Variants in TNFRSF8 observed in about 807,000 individuals in gnomAD.
TNFRSF8 encodes the protein tumor necrosis factor receptor superfamily member 8.
In TNFRSF8, 26 loss-of-function variants were observed where a neutral mutation model predicts 70.8. The ratio of observed to expected loss-of-function variants is 0.37; its 90% CI spans 0.27 to 0.51. The LOEUF (loss-of-function observed/expected upper bound fraction) is 0.51, where lower values mean the gene tolerates loss of function less well. TNFRSF8 is among the 20% of genes least tolerant of loss of function. The probability of loss-of-function intolerance (pLI) is 0.94; values close to 1 mark genes in which losing one functional copy is unlikely to be tolerated. For missense variants in TNFRSF8, 720 were observed against 807.9 expected, an observed-to-expected ratio of 0.89 and a Z score of 1.32; for synonymous variants, 356 against 339.2, an observed-to-expected ratio of 1.05 and a Z score of -0.54.
Position 12,063,526 on chromosome 1 carries a change from G to A in TNFRSF8, c.-73G>A. 7.9e-7 allele frequency: 1 copy of A among 1,267,634 alleles called. No homozygotes were observed. The highest frequency in any genetic ancestry group is 1.0e-6 in the Non-Finnish European group (1 of 996,570). The allele number at this position is 1,267,634 out of a possible 1,614,324, so 78.5% of individuals were successfully genotyped here. A position where few individuals can be genotyped will look rare whatever the true frequency, so the allele number is the denominator to read the frequency against. ...CGGCTGAGAACCGCCGGGACCGCAC[G>A]TGGGCGCCGCGCGCTTCCCCCGCTT... On this transcript the variant is annotated 5_prime_UTR_variant, in exon 1 of 15. In the 5' UTR this introduces an upstream ATG that the reference lacks. Transcript: ENST00000263932. The surrounding 1 kb of genome is among the most constrained non-coding windows in gnomAD (Gnocchi z 7.2).
At chr1:12,122,194 T>C (rs1279719219) in intron 8 of TNFRSF8, among the ~76,000 whole-genome samples, 1 of 152,116 alleles carries the variant, frequency 6.6e-6, no homozygotes, top group African/African-American at 2.4e-5. Flanking sequence ...TTTCTTTTTT[T>C]ATTTTTACTT....
intron 4 of TNFRSF8, among the ~76,000 whole-genome samples, chr1:12,105,955 A>G (rs912872027): frequency 2.6e-5 from 4 of 151,810 alleles, no homozygotes; most frequent in East Asian, 3.9e-4. Context: ...AAAAAAAAAA[A>G]AAAGAAAACT....
At chr1:12,070,847 G>C (rs776835462) in intron 1 of TNFRSF8, among the ~76,000 whole-genome samples, 5 of 152,194 alleles carry the variant, frequency 3.3e-5, no homozygotes, top group Non-Finnish European at 7.3e-5. Context: ...GGGGTTGGGT[G>C]TTGAAATGTG....
Position 12,123,364 on chromosome 1 carries a change from G to C in TNFRSF8, c.1027G>C (p.Glu343Gln). ...CTGCAACCCCACCCCAGAGAATGGC[G>C]AGGCGCCTGCCAGGTGACTCCCCCA... ...PDCNPTPENG[E>Q]APASTSPTQS... Residue 343 changes from glutamate (E) to glutamine (Q), a missense_variant, in exon 9 of 15, where the codon GAG becomes CAG. Coordinates refer to ENST00000263932, the MANE Select transcript of TNFRSF8 (RefSeq NM_001243.5). 6.2e-7 allele frequency: 1 copy of C among 1,610,310 alleles called. No homozygotes were observed. The highest frequency in any genetic ancestry group is 8.5e-7 in the Non-Finnish European group (1 of 1,178,554).
At position 12,123,695 on chromosome 1, in the gene TNFRSF8, C is replaced by A. The variant is rs1327235600; in HGVS notation, c.1041-20C>A. 5 of 1,544,344 alleles carry A rather than the reference C, an allele frequency of 3.2e-6. No individual in the cohort carries two copies. Among genetic ancestry groups the A allele is most frequent in the Middle Eastern group, 3.3e-4 (2 of 5,978 alleles). ...CCTCTTCCCATCTTCATCACTCCTGCCTTGGGCTTCTCCCCGCAGCACCAG... is the reference window on the plus strand; with the variant it reads ...CCTCTTCCCATCTTCATCACTCCTGACTTGGGCTTCTCCCCGCAGCACCAG... On this transcript the variant is annotated intron_variant, in intron 9 of 14. Transcript: ENST00000263932.
rs369147105 is a variant in TNFRSF8 at position 12,111,893 on chromosome 1, C to T, written c.677-5C>T. ...GGCCTGCAGCTTCTCTGCTTCTTTC[C>T]CCAGGTCTGTCCCCAACACAGCCAT... On this transcript the variant is annotated splice_region_variant and splice_polypyrimidine_tract_variant and intron_variant, in intron 6 of 14. Transcript: ENST00000263932. 12 of 1,613,636 alleles carry T rather than the reference C, an allele frequency of 7.4e-6. No individual in the cohort carries two copies. Among genetic ancestry groups the T allele is most frequent in the Non-Finnish European group, 1.0e-5 (12 of 1,179,650 alleles).
At chr1:12,133,336 T>A (rs1351947987) in intron 12 of TNFRSF8, among the ~76,000 whole-genome samples, 3 of 151,886 alleles carry the variant, frequency 2.0e-5, no homozygotes, top group East Asian at 1.9e-4. Context: ...CTTTTTTTTT[T>A]TTATTCTGTT....
chr1:12,133,357 A>G (rs1291896436), intron 12 of TNFRSF8, among the ~76,000 whole-genome samples: 6 of 150,138 alleles, frequency 4.0e-5, no homozygotes, highest in Non-Finnish European at 8.9e-5. Context: ...GGCCACCCCC[A>G]GTGACTTGGT....
intron 4 of TNFRSF8, among the ~76,000 whole-genome samples, chr1:12,104,815 A>G (rs901312988): frequency 6.6e-6 from 1 of 152,094 alleles, no homozygotes; most frequent in East Asian, 1.9e-4. Context: ...AAGTTATCTG[A>G]TGCCCCATAA....
chr1:12,104,797 C>T (rs1463688457), intron 4 of TNFRSF8, among the ~76,000 whole-genome samples: 4 of 152,114 alleles, frequency 2.6e-5, no homozygotes, highest in Non-Finnish European at 5.9e-5. Context: ...GTTTGAGGCT[C>T]AAGGCAGAAG....
At chr1:12,104,175 T>A (rs1212462342) in intron 3 of TNFRSF8, among the ~76,000 whole-genome samples, 1 of 152,216 alleles carries the variant, frequency 6.6e-6, no homozygotes, top group African/African-American at 2.4e-5. Flanking sequence ...GTTTCCTCCA[T>A]GTCTTTTTTT....
At chr1:12,074,587 C>A (rs1222922228) in intron 1 of TNFRSF8, among the ~76,000 whole-genome samples, 1 of 152,066 alleles carries the variant, frequency 6.6e-6, no homozygotes, top group East Asian at 1.9e-4. Context: ...GCCTCAAACT[C>A]ACTTTCTGGC....
intron 1 of TNFRSF8, among the ~76,000 whole-genome samples, chr1:12,074,756 C>G (rs148367152): frequency 0.01 from 1,561 of 152,228 alleles, 31 homozygotes; most frequent in African/African-American, 0.035. Context: ...GGAAACCTCT[C>G]GAATGGACTC....
At chr1:12,102,150 T>C (rs1641434575) in intron 3 of TNFRSF8, among the ~76,000 whole-genome samples, 1 of 152,226 alleles carries the variant, frequency 6.6e-6, no homozygotes. Flanking sequence ...GCGCTGGTTT[T>C]CCTCTGATGT....
chr1:12,074,351 C>T (rs1243239460), intron 1 of TNFRSF8, among the ~76,000 whole-genome samples: 1 of 151,780 alleles, frequency 6.6e-6, no homozygotes, highest in African/African-American at 2.4e-5. Context: ...GTGATCTTGG[C>T]TCACTGCAAC....
chr1:12,126,567 C>T (rs777410709), intron 12 of TNFRSF8, among the ~76,000 whole-genome samples: 1 of 152,160 alleles, frequency 6.6e-6, no homozygotes, highest in Non-Finnish European at 1.5e-5. Context: ...TCCTGCCAGC[C>T]TTGCCTTCCT....
chr1:12,063,736 G>C lies in TNFRSF8; in HGVS notation c.63+75G>C. Reference sequence around the variant, plus strand: ...ACAGTGTGGGGTGCGTGGGACGCAAGGGAGGACACTCCTCACCCCGTTCCC... The same window carrying C: ...ACAGTGTGGGGTGCGTGGGACGCAACGGAGGACACTCCTCACCCCGTTCCC... On this transcript the variant is annotated intron_variant, in intron 1 of 14. Transcript: ENST00000263932. This position sits in a 1 kb window ranked among gnomAD's most constrained non-coding sequence, Gnocchi z 7.2. 2 of 1,220,160 alleles carry C rather than the reference G, an allele frequency of 1.6e-6. No homozygotes were observed. Among genetic ancestry groups the C allele is most frequent in the Non-Finnish European group, 2.1e-6 (2 of 964,000 alleles). The allele number at this position is 1,220,160 out of a possible 1,614,324, so 75.6% of individuals were successfully genotyped here.
Position 12,088,279 on chromosome 1 carries a change from C to T in TNFRSF8, c.151+3728C>T, listed in dbSNP as rs114435226. 1.1e-4 allele frequency among the ~76,000 whole-genome samples: 16 copies of T among 152,230 alleles called. No individual in the cohort carries two copies. The highest frequency in any genetic ancestry group is 1.0e-3 in the South Asian group (5 of 4,808). On this transcript the variant is annotated intron_variant, in intron 2 of 14. Coordinates refer to ENST00000263932, the MANE Select transcript of TNFRSF8 (RefSeq NM_001243.5). The surrounding 1 kb of genome is among the most constrained non-coding windows in gnomAD (Gnocchi z 4.0). ...TCATAACAATGACCACGATTCATAC[C>T]GATGGAGCACGCTATGTGCTGGCCA...
At position 12,084,458 on chromosome 1, in the gene TNFRSF8, T is replaced by C. The variant is rs747051833; in HGVS notation, c.64-6T>C. 1 of 1,613,900 alleles carries C rather than the reference T, an allele frequency of 6.2e-7. No homozygotes were observed. Among genetic ancestry groups the C allele is most frequent in the Admixed American group, 1.7e-5 (1 of 60,000 alleles). On this transcript the variant is annotated splice_region_variant and splice_polypyrimidine_tract_variant and intron_variant, in intron 1 of 14. Transcript: ENST00000263932. Reference sequence around the variant, plus strand: ...CCTGGCCTCACCAGCTTTTCTGACCTGCCAGGATCGACCCTTCGAGGACAC... The same window carrying C: ...CCTGGCCTCACCAGCTTTTCTGACCCGCCAGGATCGACCCTTCGAGGACAC...
Sources: gnomAD v4.1 joint callset for allele counts (sites outside exome capture counted in the v4.1 genomes callset) on GRCh38, gnomAD v4.1.1 for gene constraint, Gnocchi (gnomAD v3.1) non-coding constraint, MANE v1.5 for transcripts, NCBI Gene and HGNC (gene_info 2026-07-23, HGNC 2026-07-21) for gene names.